Variants in ZNF337 observed in about 807,000 individuals in gnomAD.
The protein encoded by ZNF337 is zinc finger protein 337.
ZNF337 carries 8 observed loss-of-function variants against 12.1 expected under a neutral mutation model. That is an observed-to-expected ratio of 0.66 (90% CI 0.39 to 1.19). The LOEUF (loss-of-function observed/expected upper bound fraction) is 1.19, where lower values mean the gene tolerates loss of function less well. Among genes scored for constraint, ZNF337 ranks in the 50% most tolerant of loss-of-function variants. The pLI is 0.01. For missense variants in ZNF337, 882 were observed against 896.6 expected (o/e 0.98, Z 0.21); for synonymous variants, 336 against 320.0 (o/e 1.05, Z -0.53).
At chr20:25,684,320 T>C (rs970337248) in intron 4 of ZNF337, among the ~76,000 whole-genome samples, 1 of 151,712 alleles carries the variant, frequency 6.6e-6, no homozygotes, top group African/African-American at 2.4e-5. Context: ...AACCTGCACA[T>C]TGTGCACATG....
In ZNF337 at chr20:25,686,040, T is replaced by C; in HGVS notation, c.110A>G (p.Tyr37Cys). 1 of 1,614,040 alleles carries C rather than the reference T, an allele frequency of 6.2e-7. No individual in the cohort carries two copies. Among genetic ancestry groups the C allele is most frequent in the African/African-American group, 1.3e-5 (1 of 75,048 alleles). Reference sequence around the variant, plus strand: ...GTAGTTCTCCAGTGTCACCTCCCTGTACAGGGCCCTCTGAGCAGGGCTCAG... The same window carrying C: ...GTAGTTCTCCAGTGTCACCTCCCTGCACAGGGCCCTCTGAGCAGGGCTCAG... ...RLLSPAQRAL[Y>C]REVTLENYSH... is the part of the protein sequence containing the mutation. The change falls in exon 3 of 5, where the codon TAC becomes TGC. Residue 37 changes from tyrosine (Y) to cysteine (C), a missense_variant. Physicochemically the swap from Tyr to Cys is radical, Grantham distance 194. Coordinates refer to ENST00000252979, the MANE Select transcript of ZNF337 (RefSeq NM_015655.4).
intron 1 of ZNF337, among the ~76,000 whole-genome samples, chr20:25,691,128 T>C (rs1021179465): frequency 5.9e-5 from 9 of 151,532 alleles, no homozygotes; most frequent in African/African-American, 1.7e-4. Flanking sequence ...CCAACAGAGA[T>C]TACAAAAAGG....
At chr20:25,696,718 A>G (rs78932147) in intron 1 of ZNF337, 41 bp downstream of exon 1, 11 of 984,412 alleles carry the variant, frequency 1.1e-5, no homozygotes, top group Non-Finnish European at 1.3e-5. Flanking sequence ...CTGCGCCGGA[A>G]GGGCGCGCTG....
At position 25,674,148 on chromosome 20, in the gene ZNF337, GAAT is replaced by G. The variant is rs2065646761; in HGVS notation, c.*881_*883del. 1 of 152,224 alleles carries G rather than the reference GAAT, an allele frequency of 6.6e-6. No individual in the cohort carries two copies. Among genetic ancestry groups the G allele is most frequent in the Admixed American group, 6.5e-5 (1 of 15,284 alleles). The allele number at this position is 152,224 out of a possible 1,614,324, so 9.4% of individuals were successfully genotyped here. A position where few individuals can be genotyped will look rare whatever the true frequency, so the allele number is the denominator to read the frequency against. ...TTTATTTCCAGATATGACTGTGAGA[GAAT>G]GATGAGGGGAGCAGTTACTTAGTCT... On this transcript the variant is annotated 3_prime_UTR_variant, in exon 5 of 5. Transcript: ENST00000252979.
intron 4 of ZNF337, among the ~76,000 whole-genome samples, chr20:25,682,306 G>A (rs2065777580): frequency 6.6e-6 from 1 of 152,070 alleles, no homozygotes; most frequent in Non-Finnish European, 1.5e-5. Context: ...GAGGGTGAAA[G>A]TACAGAGGAC....
At chr20:25,684,324 G>A (rs980044178) in intron 4 of ZNF337, among the ~76,000 whole-genome samples, 1 of 151,510 alleles carries the variant, frequency 6.6e-6, no homozygotes, top group African/African-American at 2.4e-5. Context: ...TGCACATTGT[G>A]CACATGTACC....
chr20:25,685,836 G>A (rs2065826153), intron 3 of ZNF337, among the ~76,000 whole-genome samples, 160 bp downstream of exon 3: 1 of 152,236 alleles, frequency 6.6e-6, no homozygotes, highest in Non-Finnish European at 1.5e-5. Context: ...TGTGGGGAAA[G>A]GCCTGCAGGT....
rs769387455 is a variant in ZNF337 at position 25,676,527 on chromosome 20, T to C, written c.761A>G (p.His254Arg). The change falls in exon 5 of 5, where the codon CAC becomes CGC. Residue 254 changes from histidine (H) to arginine (R), a missense_variant. Transcript: ENST00000252979. The part of the protein sequence containing the change: ...GFSLKANLLR[H>R]QRTHSGEKPF... The stretch of plus-strand genomic sequence containing the variant: ...CTTCTCTCCTGAGTGTGTCCTCTGG[T>C]GTCTGAGGAGGTTGGCCTTGAGGCT... The C allele has an allele frequency of 5.0e-6, 8 of 1,614,200 alleles. No individual in the cohort carries two copies. The highest frequency in any genetic ancestry group is 6.8e-6 in the Non-Finnish European group (8 of 1,180,030).
chr20:25,689,945 C>G (rs750492223), intron 1 of ZNF337, among the ~76,000 whole-genome samples: 11 of 152,056 alleles, frequency 7.2e-5, no homozygotes, highest in Non-Finnish European at 1.6e-4. Flanking sequence ...CTCAAAAGTC[C>G]CCAGCATTCA....
chr20:25,676,718 G>A lies in ZNF337; in HGVS notation c.570C>T (p.Ser190=). The A allele has an allele frequency of 6.2e-7, 1 of 1,614,174 alleles. No homozygotes were observed. The highest frequency in any genetic ancestry group is 8.5e-7 in the Non-Finnish European group (1 of 1,180,044). The change falls in exon 5 of 5, where the codon AGC becomes AGT. Residue 190 remains serine (S), a synonymous_variant. Transcript: ENST00000252979. ...TGTGTATGATTACCATCATCTTCCG[G>A]CTGAAGTCTTGCCCACGCTCTGCAC... ...FKCAERGQDF[S]RKMMVIIHKK...
chr20:25,689,125 A>G (rs2065861545), intron 1 of ZNF337, among the ~76,000 whole-genome samples: 1 of 122,322 alleles, frequency 8.2e-6, no homozygotes, highest in South Asian at 2.6e-4. Context: ...CAAGAGTGAG[A>G]CTCCGTCACA....
At position 25,675,820 on chromosome 20, in the gene ZNF337, A is replaced by T; in HGVS notation, c.1468T>A (p.Cys490Ser). The T allele has an allele frequency of 6.2e-7, 1 of 1,614,158 alleles. No individual in the cohort carries two copies. The highest frequency in any genetic ancestry group is 8.5e-7 in the Non-Finnish European group (1 of 1,180,028). ...RTHSEEKPYG[C>S]RECGRRFRDK... ...CGAAACCTTCGCCCACACTCCCGAC[A>T]TCCATAAGGCTTCTCCTCTGAGTGT... The change falls in exon 5 of 5, where the codon TGT becomes AGT. Residue 490 changes from cysteine (C) to serine (S), a missense_variant. Cys to Ser is a moderately radical substitution (Grantham distance 112). Transcript: ENST00000252979.
Position 25,675,670 on chromosome 20 carries a change from CTGAG to C in ZNF337, c.1614_1617del (p.His538GlnfsTer17). On this transcript the variant is annotated frameshift_variant, in exon 5 of 5. Coordinates refer to ENST00000252979, the MANE Select transcript of ZNF337 (RefSeq NM_015655.4). LOFTEE classifies it low-confidence loss of function (END_TRUNC). ...TGCTTGCACATGAAGGGCTTCTCTC[CTGAG>C]TGTGTCCTCTGATGTATGGTGAGAT... 1 of 1,614,216 alleles carries C rather than the reference CTGAG, an allele frequency of 6.2e-7. No homozygotes were observed. Among genetic ancestry groups the C allele is most frequent in the Non-Finnish European group, 8.5e-7 (1 of 1,180,036 alleles).
intron 3 of ZNF337, 60 bp from the exon 4 acceptor site, chr20:25,685,722 G>C: frequency 2.7e-6 from 4 of 1,460,142 alleles, no homozygotes; most frequent in Middle Eastern, 1.8e-4. Context: ...CGGGCCATTT[G>C]CTGGAGCCAC....
intron 4 of ZNF337, among the ~76,000 whole-genome samples, chr20:25,679,517 A>G (rs556364900): frequency 6.6e-6 from 1 of 152,320 alleles, no homozygotes; most frequent in East Asian, 1.9e-4. Context: ...CTGAATAGAC[A>G]TTTCTCAAAA....
At chr20:25,692,546 T>G (rs1423130569) in intron 1 of ZNF337, among the ~76,000 whole-genome samples, 1 of 152,198 alleles carries the variant, frequency 6.6e-6, no homozygotes, top group African/African-American at 2.4e-5. Context: ...CTCTCTACTT[T>G]AGTTCCTACT....
intron 4 of ZNF337, among the ~76,000 whole-genome samples, chr20:25,681,769 A>T (rs11906690): frequency 5.3e-5 from 8 of 152,212 alleles, no homozygotes; most frequent in African/African-American, 1.7e-4. Flanking sequence ...TGTTACACTT[A>T]AGATTTATGC....
In ZNF337 at chr20:25,675,541, G is replaced by A. The variant is rs1569004470; in HGVS notation, c.1747C>T (p.Leu583=). ...TGGTGGAAGAGGAGAGTTGATTTTA[G>A]GATGAAGCCTCGCCCGCAATCCTTG... ...NCKDCGRGFI[L]KSTLLFHQKT... Residue 583 remains leucine, a synonymous_variant, in exon 5 of 5, where the codon CTA becomes TTA. Transcript: ENST00000252979. 6.2e-7 allele frequency: 1 copy of A among 1,613,364 alleles called. No homozygotes were observed. Among genetic ancestry groups the A allele is most frequent in the African/African-American group, 1.3e-5 (1 of 74,756 alleles).
At position 25,674,260 on chromosome 20, in the gene ZNF337, G is replaced by C. The variant is rs1263161839; in HGVS notation, c.*772C>G. The stretch of plus-strand genomic sequence containing the variant: ...TTCCCAGAGTTCTGGAGGCTGGGAA[G>C]TTCAACATCAAAACATCAGTAGGTG... On this transcript the variant is annotated 3_prime_UTR_variant, in exon 5 of 5. Coordinates refer to ENST00000252979, the MANE Select transcript of ZNF337 (RefSeq NM_015655.4). The C allele has an allele frequency of 6.6e-6, 1 of 152,226 alleles. No individual in the cohort carries two copies. The highest frequency in any genetic ancestry group is 1.5e-5 in the Non-Finnish European group (1 of 68,050). The allele number at this position is 152,226 out of a possible 1,614,324, so 9.4% of individuals were successfully genotyped here.
Sources: gnomAD v4.1 joint callset for allele counts (sites outside exome capture counted in the v4.1 genomes callset) on GRCh38, gnomAD v4.1.1 for gene constraint, MANE v1.5 for transcripts, NCBI Gene and HGNC (gene_info 2026-07-23, HGNC 2026-07-21) for gene names.